Variants in FAM227B observed in about 807,000 individuals in gnomAD.
The protein encoded by FAM227B is protein FAM227B.
Under a neutral mutation model 73.8 loss-of-function variants are expected in FAM227B, and 88 were observed. The observed-to-expected ratio is 1.19, with a 90% CI of 1.00 to 1.42. The LOEUF (loss-of-function observed/expected upper bound fraction) is 1.42, where lower values mean the gene tolerates loss of function less well. FAM227B is among the 40% of genes most tolerant of loss of function. The pLI is 0.00. For missense variants in FAM227B, 632 were observed against 590.9 expected, an observed-to-expected ratio of 1.07 and a Z score of -0.72; for synonymous variants, 210 against 190.5, an observed-to-expected ratio of 1.10 and a Z score of -0.84.
chr15:49,368,286 T>C (rs2045512623), intron 12 of FAM227B, among the ~76,000 whole-genome samples: 1 of 152,184 alleles, frequency 6.6e-6, no homozygotes, highest in Non-Finnish European at 1.5e-5. Flanking sequence ...AATGTCAGTA[T>C]AGCAACTACT....
intron 2 of FAM227B, 166 bp downstream of exon 2, chr15:49,614,955 T>C: frequency 1.5e-6 from 1 of 675,472 alleles, no homozygotes; most frequent in Non-Finnish European, 2.7e-6. Context: ...TCCTTGGCAA[T>C]ACTCATCTCA....
At chr15:49,449,617 T>G (rs1341403992) in intron 11 of FAM227B, among the ~76,000 whole-genome samples, 1 of 152,000 alleles carries the variant, frequency 6.6e-6, no homozygotes, top group Non-Finnish European at 1.5e-5. Context: ...GCCTTCCCAT[T>G]AATATAGTTT....
intron 1 of FAM227B, among the ~76,000 whole-genome samples, chr15:49,620,360 T>C (rs1028650516): frequency 6.6e-6 from 1 of 152,216 alleles, no homozygotes; most frequent in African/African-American, 2.4e-5. Flanking sequence ...GCTCAACATT[T>C]GACCATTGTG....
intron 3 of FAM227B, among the ~76,000 whole-genome samples, chr15:49,604,513 A>C (rs1391624883): frequency 1.3e-5 from 2 of 152,114 alleles, no homozygotes; most frequent in African/African-American, 2.4e-5. Context: ...ATTATAATGT[A>C]TCTTGGGGAA....
At chr15:49,423,791 C>G (rs1175998411) in intron 11 of FAM227B, among the ~76,000 whole-genome samples, 4 of 152,008 alleles carry the variant, frequency 2.6e-5, no homozygotes, top group Admixed American at 1.3e-4. Context: ...CACAAAATAG[C>G]AATTGGAATG....
At chr15:49,523,524 C>T (rs1322247665) in intron 10 of FAM227B, among the ~76,000 whole-genome samples, 3 of 152,144 alleles carry the variant, frequency 2.0e-5, no homozygotes, top group Non-Finnish European at 2.9e-5. Context: ...TACCCAGTCT[C>T]GTGTATGTCT....
intron 13 of FAM227B, among the ~76,000 whole-genome samples, chr15:49,348,019 CAAAAAAAAA>C (rs67614443): frequency 1.4e-5 from 1 of 70,100 alleles, no homozygotes; most frequent in South Asian, 5.8e-4. Flanking sequence ...AACTCTGTCT[CAAAAAAAAA>C]AAAAAAAAAA....
intron 7 of FAM227B, 86 bp downstream of exon 7, chr15:49,576,655 A>G: frequency 3.7e-6 from 3 of 800,238 alleles, no homozygotes; most frequent in Middle Eastern, 3.7e-4. Flanking sequence ...TTGAACACCT[A>G]ATTTATCATA....
intron 13 of FAM227B, among the ~76,000 whole-genome samples, chr15:49,358,576 G>A (rs1433441881): frequency 6.7e-6 from 1 of 148,538 alleles, no homozygotes; most frequent in Non-Finnish European, 1.5e-5. Flanking sequence ...CACTGCTCAA[G>A]GAAATAAAAG....
chr15:49,335,296 T>C lies in FAM227B; in HGVS notation c.1349+123A>G, dbSNP rs192503315. ...CTTACCTGAAAAGAATCTCTGAGTCTATAAGATGCTCAGACATGACTCTCC... is the reference window on the plus strand; with the variant it reads ...CTTACCTGAAAAGAATCTCTGAGTCCATAAGATGCTCAGACATGACTCTCC... On this transcript the variant is annotated intron_variant, in intron 14 of 15. Coordinates refer to ENST00000299338, the MANE Select transcript of FAM227B (RefSeq NM_152647.3). 2.9e-4 allele frequency: 184 copies of C among 632,996 alleles called. 1 individual carries two copies. The East Asian group carries it at 4.1e-3, about 14-fold the overall frequency. 39.2% of individuals were successfully genotyped at this position (632,996 alleles called of 1,614,324 possible). A position where few individuals can be genotyped will look rare whatever the true frequency, so the allele number is the denominator to read the frequency against.
chr15:49,615,828 A>G (rs1353271463), intron 1 of FAM227B, among the ~76,000 whole-genome samples: 1 of 152,202 alleles, frequency 6.6e-6, no homozygotes, highest in East Asian at 1.9e-4. Flanking sequence ...ATAACAAGAA[A>G]TGGACAAGGG....
chr15:49,402,020 AT>A (rs1332399560), intron 11 of FAM227B, among the ~76,000 whole-genome samples: 2 of 152,066 alleles, frequency 1.3e-5, no homozygotes, highest in African/African-American at 2.4e-5. Context: ...GAAAAAAAAA[AT>A]CTTACCAAAA....
intron 3 of FAM227B, among the ~76,000 whole-genome samples, chr15:49,610,344 A>G (rs34594319): frequency 3.3e-5 from 5 of 151,222 alleles, no homozygotes; most frequent in African/African-American, 9.7e-5. Context: ...ACTTAGATAC[A>G]CCATGTGACT....
chr15:49,427,865 G>C (rs1597121288), intron 11 of FAM227B, among the ~76,000 whole-genome samples: 1 of 151,880 alleles, frequency 6.6e-6, no homozygotes, highest in East Asian at 1.9e-4. Context: ...GGGAGTGGTG[G>C]GCAAGTGGAT....
In FAM227B at chr15:49,338,121, C is replaced by T. The variant is rs182668668; in HGVS notation, c.1272-2625G>A. Among the ~76,000 whole-genome samples, 14 of 152,246 alleles carry T rather than the reference C, an allele frequency of 9.2e-5. No homozygotes were observed. In the East Asian group the frequency reaches 2.7e-3, roughly 29 times the overall value. On this transcript the variant is annotated intron_variant, in intron 13 of 15. Transcript: ENST00000299338. ...GTGTCTTTTAATTGGGGGCATTTAG[C>T]CCATTTACATTTAAGGTTAATATTG... is the stretch of plus-strand genomic sequence containing the variant.
At chr15:49,334,098 G>A (rs1443016345) in intron 14 of FAM227B, 1 of 176,246 alleles carries the variant, frequency 5.7e-6, no homozygotes, top group Non-Finnish European at 1.1e-5. Flanking sequence ...ATTAAAGAAA[G>A]TTAAAATGTT....
At chr15:49,587,083 A>G (rs1214900835) in intron 5 of FAM227B, among the ~76,000 whole-genome samples, 2 of 152,166 alleles carry the variant, frequency 1.3e-5, no homozygotes, top group Non-Finnish European at 2.9e-5. Flanking sequence ...ATCAACCTAA[A>G]TGCCCATCAA....
At chr15:49,508,186 G>A (rs2058719015) in intron 11 of FAM227B, 25 bp downstream of exon 11, 1 of 1,591,008 alleles carries the variant, frequency 6.3e-7, no homozygotes. Context: ...TATTCCATTT[G>A]GCAGTATACA....
intron 9 of FAM227B, among the ~76,000 whole-genome samples, chr15:49,567,978 G>A (rs151274871): frequency 2.2e-4 from 33 of 152,002 alleles, no homozygotes; most frequent in Admixed American, 6.6e-4. Flanking sequence ...AACATACATA[G>A]AATGACTCAG....
Sources: allele counts gnomAD v4.1 joint callset (sites outside exome capture counted in the v4.1 genomes callset), GRCh38; gene constraint gnomAD v4.1.1; transcripts MANE v1.5; gene names NCBI Gene and HGNC (gene_info 2026-07-23, HGNC 2026-07-21).